The following FOCAD variants were observed in gnomAD, a reference collection of about 807,000 sequenced individuals.
FOCAD encodes the protein focadhesin, also known as KIAA1797.
A neutral mutation model predicts 225.6 loss-of-function variants in FOCAD; 198 were observed. The observed-to-expected ratio is 0.88, with a 90% confidence interval of 0.78 to 0.99. The LOEUF is 0.99. Ranked by LOEUF, FOCAD falls within the 50% of genes least tolerant of loss-of-function variation. FOCAD has a pLI of 0.00. For synonymous variants in FOCAD, 897 were observed against 755.0 expected (o/e 1.19, Z -3.08); for missense variants, 2,713 against 2,123.6 (o/e 1.28, Z -5.46).
intron 18 of FOCAD, among the ~76,000 whole-genome samples, chr9:20,868,458 A>G (rs563622913): frequency 2.0e-5 from 3 of 152,108 alleles, no homozygotes; most frequent in Middle Eastern, 3.4e-3. Context: ...TTTATATTCA[A>G]TTTCCAATTA....
At position 20,781,932 on chromosome 9, in the gene FOCAD, A is replaced by C. The variant is rs752036330; in HGVS notation, c.1197+3A>C. The stretch of plus-strand genomic sequence containing the variant: ...GTTACAGAGATGACCACCAAAAGGT[A>C]ATGAATCTATCCTTGTTTCTCTTAA... On this transcript the variant is annotated splice_donor_region_variant and intron_variant, in intron 10 of 43. Transcript: ENST00000338382. The C allele has an allele frequency of 1.2e-6, 2 of 1,612,618 alleles. No homozygotes were observed. Among genetic ancestry groups the C allele is most frequent in the African/African-American group, 2.7e-5 (2 of 74,910 alleles).
intron 10 of FOCAD, among the ~76,000 whole-genome samples, chr9:20,783,688 C>G (rs145309765): frequency 6.6e-6 from 1 of 151,108 alleles, no homozygotes; most frequent in African/African-American, 2.4e-5. Flanking sequence ...CTATTTCATT[C>G]TCCCCAGGCA....
At chr9:20,688,886 T>G (rs1822812123) in intron 1 of FOCAD, among the ~76,000 whole-genome samples, 5 of 152,240 alleles carry the variant, frequency 3.3e-5, no homozygotes, top group Admixed American at 1.3e-4. Flanking sequence ...CTGTGACTTT[T>G]GGCAGCAAAA....
chr9:20,778,747 C>A lies in FOCAD; in HGVS notation c.973C>A (p.Gln325Lys), dbSNP rs774378057. The change falls in exon 9 of 44, where the codon CAG (glutamine) becomes AAG (lysine). Residue 325 changes from glutamine (Q) to lysine (K), a missense_variant. Physicochemically the swap from Gln to Lys is moderately conservative, Grantham distance 53 (BLOSUM62 1). Transcript: ENST00000338382. ...ACTTCTACAGACTCCAGCAAGTCAG[C>A]AGAAGCCAATCTTAAATCTAGGTAA... ...LLLLQTPASQ[Q>K]KPILNLALKL... 2.1e-5 allele frequency: 33 copies of A among 1,608,290 alleles called. No individual in the cohort carries two copies. Among genetic ancestry groups the A allele is most frequent in the Non-Finnish European group, 2.6e-5 (31 of 1,175,574 alleles).
intron 6 of FOCAD, among the ~76,000 whole-genome samples, chr9:20,762,421 C>T (rs1157101722): frequency 6.6e-6 from 1 of 152,126 alleles, no homozygotes; most frequent in East Asian, 1.9e-4. Context: ...AGACTGTGAG[C>T]TCTATGAGAG....
At chr9:20,986,212 G>A in intron 39 of FOCAD, 76 bp from the exon 40 acceptor site, 1 of 1,309,282 alleles carries the variant, frequency 7.6e-7, no homozygotes, top group Non-Finnish European at 9.9e-7. Context: ...TTTTTGTTTT[G>A]CCCTTGCCCT....
intron 8 of FOCAD, among the ~76,000 whole-genome samples, chr9:20,771,690 G>T (rs1231009822): frequency 6.6e-6 from 1 of 152,232 alleles, no homozygotes; most frequent in African/African-American, 2.4e-5. Flanking sequence ...TGGAGGCAGA[G>T]GTTGCAGTGA....
At chr9:20,767,812 A>T (rs1310010566) in intron 7 of FOCAD, among the ~76,000 whole-genome samples, 1 of 150,066 alleles carries the variant, frequency 6.7e-6, no homozygotes, top group African/African-American at 2.4e-5. Flanking sequence ...TTTGCTGTGC[A>T]GAAGCTCTTT....
intron 1 of FOCAD, among the ~76,000 whole-genome samples, chr9:20,710,903 G>T (rs184958902): frequency 2.0e-5 from 3 of 152,092 alleles, no homozygotes; most frequent in African/African-American, 7.2e-5. Context: ...TTATGTACTG[G>T]GAGTTAGCAA....
At chr9:20,887,041 C>T (rs113104175) in intron 21 of FOCAD, among the ~76,000 whole-genome samples, 3 of 152,218 alleles carry the variant, frequency 2.0e-5, no homozygotes, top group African/African-American at 7.2e-5. Flanking sequence ...AGAGAAGATT[C>T]TAGAAATACA....
intron 15 of FOCAD, among the ~76,000 whole-genome samples, chr9:20,854,948 TA>T (rs1828019318): frequency 6.6e-6 from 1 of 151,858 alleles, no homozygotes; most frequent in Non-Finnish European, 1.5e-5. Context: ...TTTGCATTTT[TA>T]ATAATTCAAC....
intron 4 of FOCAD, among the ~76,000 whole-genome samples, chr9:20,725,263 A>G (rs138162415): frequency 9.9e-5 from 15 of 152,214 alleles, no homozygotes; most frequent in African/African-American, 1.4e-4. Context: ...TTAAATTTCT[A>G]CTTGTCTCTG....
intron 2 of FOCAD, among the ~76,000 whole-genome samples, chr9:20,659,273 G>A (rs566840410): frequency 6.8e-6 from 1 of 146,594 alleles, no homozygotes; most frequent in African/African-American, 2.5e-5. Context: ...CTGGCATGGT[G>A]GTGTGTGCCT....
chr9:20,926,034 G>C (rs1834906136), intron 25 of FOCAD, among the ~76,000 whole-genome samples: 1 of 152,090 alleles, frequency 6.6e-6, no homozygotes, highest in Admixed American at 6.6e-5. Context: ...AGGGCTCTTG[G>C]ATAGTTCTGT....
At chr9:20,890,990 C>T (rs1831566058) in intron 21 of FOCAD, among the ~76,000 whole-genome samples, 1 of 151,986 alleles carries the variant, frequency 6.6e-6, no homozygotes, top group East Asian at 1.9e-4. Context: ...TATCTAGGCA[C>T]CATTTTTCCA....
At chr9:20,662,288 T>C (rs1197541151) in intron 2 of FOCAD, among the ~76,000 whole-genome samples, 1 of 152,154 alleles carries the variant, frequency 6.6e-6, no homozygotes, top group East Asian at 1.9e-4. Flanking sequence ...AAGGAATTAA[T>C]TACTGCCCAG....
chr9:20,977,880 G>C (rs1175026284), intron 36 of FOCAD, among the ~76,000 whole-genome samples: 1 of 152,152 alleles, frequency 6.6e-6, no homozygotes, highest in Non-Finnish European at 1.5e-5. Context: ...CTTAGAGAAA[G>C]GAAGGAAAAT....
At chr9:20,856,405 T>C (rs1401446188) in intron 15 of FOCAD, among the ~76,000 whole-genome samples, 1 of 152,054 alleles carries the variant, frequency 6.6e-6, no homozygotes, top group East Asian at 1.9e-4. Context: ...AAATATCTAT[T>C]CAGATGTTTT....
Position 20,715,338 on chromosome 9 carries a change from T to C in FOCAD, c.-16T>C, listed in dbSNP as rs145512143. 6.2e-5 allele frequency: 94 copies of C among 1,510,996 alleles called. 1 individual carries two copies. In the East Asian group the frequency reaches 1.9e-3, roughly 31 times the overall value. 93.6% of individuals were successfully genotyped at this position (1,510,996 alleles called of 1,614,324 possible). A position where few individuals can be genotyped will look rare whatever the true frequency, so the allele number is the denominator to read the frequency against. ...TGGTTACAGAAGCTGCACACATACATGTAAGAGAAGCAAAAATGTCAGATG... is the reference window on the plus strand; with the variant it reads ...TGGTTACAGAAGCTGCACACATACACGTAAGAGAAGCAAAAATGTCAGATG... On this transcript the variant is annotated 5_prime_UTR_variant, in exon 2 of 44. An upstream start codon of the reference 5' UTR is lost. Transcript: ENST00000338382.
Sources: gnomAD v4.1 joint callset for allele counts (sites outside exome capture counted in the v4.1 genomes callset) on GRCh38, gnomAD v4.1.1 for gene constraint, MANE v1.5 for transcripts, NCBI Gene and HGNC (gene_info 2026-07-23, HGNC 2026-07-21) for gene names.